ROBO1: variants seen among roughly 807,000 people sequenced by gnomAD.
The protein encoded by ROBO1 is roundabout guidance receptor 1.
In ROBO1, 149 loss-of-function variants were observed where a neutral mutation model predicts 195.9. That is an observed-to-expected ratio of 0.76 (90% confidence interval 0.67 to 0.87). ROBO1 has a LOEUF of 0.87. Among genes scored for constraint, ROBO1 ranks in the 40% least tolerant of loss-of-function variants. ROBO1 has a pLI of 0.00. For synonymous variants in ROBO1, 816 were observed against 733.2 expected (o/e 1.11, Z -1.82); for missense variants, 1,933 against 2,068.3 (o/e 0.93, Z 1.27).
intron 2 of ROBO1, among the ~76,000 whole-genome samples, chr3:79,215,336 A>G (rs1309029005): frequency 7.2e-5 from 11 of 152,030 alleles, no homozygotes; most frequent in Non-Finnish European, 1.0e-4. Context: ...GAGATCTTCC[A>G]TCTATAACCT....
At chr3:79,693,837 A>G (rs1308530033) in intron 1 of ROBO1, among the ~76,000 whole-genome samples, 1 of 151,748 alleles carries the variant, frequency 6.6e-6, no homozygotes, top group African/African-American at 2.4e-5. Context: ...AAATTGTACT[A>G]CCTTCTAATT....
At chr3:78,721,809 G>A (rs2082051394) in intron 5 of ROBO1, among the ~76,000 whole-genome samples, 1 of 152,116 alleles carries the variant, frequency 6.6e-6, no homozygotes, top group African/African-American at 2.4e-5. Flanking sequence ...TGGGAATGTA[G>A]AGTTTTAAAT....
Position 79,500,190 on chromosome 3 carries a change from G to T in ROBO1, c.88+89634C>A, listed in dbSNP as rs183970916. Among the ~76,000 whole-genome samples, 290 of 134,326 alleles carry T rather than the reference G, an allele frequency of 2.2e-3. 1 individual carries two copies. The highest frequency in any genetic ancestry group is 6.8e-3 in the African/African-American group (239 of 34,910). 88.1% of individuals were successfully genotyped at this position (134,326 alleles called of 152,430 possible). On this transcript the variant is annotated intron_variant, in intron 2 of 30. Transcript: ENST00000464233. Reference sequence around the variant, plus strand: ...CTGTCGCCCAGGTTGGAGTGCAATGGTGCTATCTCAGCTCGCTGCAACCTC... The same window carrying T: ...CTGTCGCCCAGGTTGGAGTGCAATGTTGCTATCTCAGCTCGCTGCAACCTC...
intron 2 of ROBO1, among the ~76,000 whole-genome samples, chr3:79,272,648 T>A (rs1319959820): frequency 2.6e-5 from 4 of 152,070 alleles, no homozygotes; most frequent in African/African-American, 9.7e-5. Context: ...TGCATTGGAA[T>A]GCAGTGCATT....
intron 3 of ROBO1, among the ~76,000 whole-genome samples, chr3:79,108,394 C>G (rs948041288): frequency 1.3e-5 from 2 of 151,752 alleles, no homozygotes; most frequent in Non-Finnish European, 3.0e-5. Flanking sequence ...GTCCATTCAA[C>G]TACTTTTTAT....
rs34568321 is a variant in ROBO1, at chr3:79,505,028, G to GAA, written c.88+84794_88+84795dup. 5.9e-3 allele frequency among the ~76,000 whole-genome samples: 875 copies of GAA among 149,248 alleles called. 2 individuals are homozygous for GAA. The highest frequency in any genetic ancestry group is 0.031 in the Middle Eastern group (9 of 288). Reference sequence around the variant, plus strand: ...TTATAGATGCTAAGAATACCTCCCTGAAAAAAAAAAACTTTTTGAATATTC... The same window carrying GAA: ...TTATAGATGCTAAGAATACCTCCCTGAAAAAAAAAAAAACTTTTTGAATATTC... On this transcript the variant is annotated intron_variant, in intron 2 of 30. Coordinates refer to ENST00000464233, the MANE Select transcript of ROBO1 (RefSeq NM_002941.4).
chr3:79,452,329 T>A (rs1183887807), intron 2 of ROBO1, among the ~76,000 whole-genome samples: 2 of 152,206 alleles, frequency 1.3e-5, no homozygotes, highest in South Asian at 2.1e-4. Context: ...ACCACTCATA[T>A]CCACTTTCAG....
intron 3 of ROBO1, among the ~76,000 whole-genome samples, chr3:79,068,704 T>C (rs2079041048): frequency 6.6e-6 from 1 of 151,832 alleles, no homozygotes; most frequent in African/African-American, 2.4e-5. Flanking sequence ...CTCAAATTCA[T>C]TGCTAAACTT....
chr3:79,681,874 C>T lies in ROBO1; in HGVS notation c.-51+85878G>A, dbSNP rs1003018648. Reference sequence around the variant, plus strand: ...ATCAGAAACAGTACGTAATATTAGACGTATTTTTATTTATGTTTGTATGCT... The same window carrying T: ...ATCAGAAACAGTACGTAATATTAGATGTATTTTTATTTATGTTTGTATGCT... On this transcript the variant is annotated intron_variant, in intron 1 of 30. Coordinates refer to ENST00000464233, the MANE Select transcript of ROBO1 (RefSeq NM_002941.4). Among the ~76,000 whole-genome samples, 17 of 151,866 alleles carry T rather than the reference C, an allele frequency of 1.1e-4. No individual in the cohort carries two copies. In the East Asian group the frequency reaches 1.4e-3, roughly 12 times the overall value.
intron 2 of ROBO1, among the ~76,000 whole-genome samples, chr3:79,424,983 T>A (rs1204171660): frequency 6.6e-6 from 1 of 152,062 alleles, no homozygotes; most frequent in Non-Finnish European, 1.5e-5. Context: ...CTGAGAACAG[T>A]AGAATTTGAG....
chr3:78,745,034 G>T lies in ROBO1; in HGVS notation c.657+1709C>A, dbSNP rs115011030. Among the ~76,000 whole-genome samples, 378 of 152,148 alleles carry T rather than the reference G, an allele frequency of 2.5e-3. 4 individuals carry two copies. Among genetic ancestry groups the T allele is most frequent in the Non-Finnish European group, 2.2e-3 (152 of 68,016 alleles). On this transcript the variant is annotated intron_variant, in intron 5 of 30. Coordinates refer to ENST00000464233, the MANE Select transcript of ROBO1 (RefSeq NM_002941.4). ...CAGGGCTAAGAATTTTGTTGGCCGG[G>T]CGTGGTGGCTCATGCCTGTAATCCC... is the stretch of plus-strand genomic sequence containing the variant.
chr3:78,939,374 G>C (rs887555955), intron 3 of ROBO1, among the ~76,000 whole-genome samples: 2 of 151,950 alleles, frequency 1.3e-5, no homozygotes, highest in Admixed American at 6.6e-5. Flanking sequence ...CAGCACTTTG[G>C]GGGGCCGAGG....
At chr3:78,699,254 T>G (rs1338315000) in intron 8 of ROBO1, among the ~76,000 whole-genome samples, 1 of 151,890 alleles carries the variant, frequency 6.6e-6, no homozygotes, top group Non-Finnish European at 1.5e-5. Context: ...TAAAACAAAA[T>G]AAAAGGCTAG....
intron 4 of ROBO1, among the ~76,000 whole-genome samples, chr3:78,935,431 T>C (rs913929144): frequency 6.6e-6 from 1 of 152,042 alleles, no homozygotes; most frequent in Non-Finnish European, 1.5e-5. Flanking sequence ...TTCTTTAAAC[T>C]TCAATGTAAT....
intron 1 of ROBO1, among the ~76,000 whole-genome samples, chr3:79,741,237 G>C (rs1474876137): frequency 6.6e-6 from 1 of 152,156 alleles, no homozygotes; most frequent in Non-Finnish European, 1.5e-5. Flanking sequence ...CCAACCATTA[G>C]CCATGGAGTA....
chr3:78,820,101 A>G (rs1291866500), intron 4 of ROBO1, among the ~76,000 whole-genome samples: 3 of 152,188 alleles, frequency 2.0e-5, no homozygotes, highest in African/African-American at 7.2e-5. Context: ...TTCTGCCTAC[A>G]CTTGGCAATT....
rs138643700 is a variant in ROBO1, at chr3:78,724,513, T to TA, written c.658-6631dup. On this transcript the variant is annotated intron_variant, in intron 5 of 30. Coordinates refer to ENST00000464233, the MANE Select transcript of ROBO1 (RefSeq NM_002941.4). ...CAACATGGTGAAACCCCATCTCTAC[T>TA]AAAAAAAAAAAAAAAAAAAAAAGCC... Among the ~76,000 whole-genome samples the TA allele has an allele frequency of 1.6e-4, 14 of 89,628 alleles. 1 individual carries two copies. The highest frequency in any genetic ancestry group is 5.6e-4 in the African/African-American group (13 of 23,276). The allele number at this position is 89,628 out of a possible 152,430, so 58.8% of individuals were successfully genotyped here.
At chr3:78,624,687 A>G (rs1021675324) in intron 26 of ROBO1, among the ~76,000 whole-genome samples, 2 of 152,164 alleles carry the variant, frequency 1.3e-5, no homozygotes, top group African/African-American at 2.4e-5. Flanking sequence ...CTGCCTTCAA[A>G]GAACTTTTAA....
chr3:79,686,417 G>A (rs1322178764), intron 1 of ROBO1, among the ~76,000 whole-genome samples: 2 of 152,122 alleles, frequency 1.3e-5, no homozygotes, highest in African/African-American at 4.8e-5. Context: ...ATTAGGAAAA[G>A]AGGAAGTCAA....
Sources: gnomAD v4.1 joint callset for allele counts (sites outside exome capture counted in the v4.1 genomes callset) on GRCh38, gnomAD v4.1.1 for gene constraint, MANE v1.5 for transcripts, NCBI Gene and HGNC (gene_info 2026-07-23, HGNC 2026-07-21) for gene names.